NEGR1: variants seen among roughly 807,000 people sequenced by gnomAD.
NEGR1 encodes the protein IgLON family member 4.
NEGR1 carries 10 observed loss-of-function variants against 40.9 expected under a neutral mutation model. The ratio of observed to expected loss-of-function variants is 0.24; its 90% CI spans 0.15 to 0.42. The LOEUF (loss-of-function observed/expected upper bound fraction) is 0.42, where lower values mean the gene tolerates loss of function less well. NEGR1 is among the 10% of genes least tolerant of loss of function. The pLI is 1.00. For missense variants in NEGR1, 352 were observed against 438.9 expected, an observed-to-expected ratio of 0.80 and a Z score of 1.77; for synonymous variants, 185 against 166.8, an observed-to-expected ratio of 1.11 and a Z score of -0.84.
chr1:71,616,729 G>A (rs58151153), intron 4 of NEGR1, among the ~76,000 whole-genome samples: 8,065 of 152,096 alleles, frequency 0.053, 352 homozygotes, highest in African/African-American at 0.12. Context: ...CCTACACTGC[G>A]CACTTGTCTC....
At chr1:71,519,731 A>T (rs78241616) in intron 6 of NEGR1, among the ~76,000 whole-genome samples, 1 of 23,882 alleles carries the variant, frequency 4.2e-5, no homozygotes, top group African/African-American at 2.0e-4. Flanking sequence ...GAGTATAATA[A>T]AAAAAAAAAA....
intron 2 of NEGR1, among the ~76,000 whole-genome samples, chr1:71,856,087 A>G (rs918243434): frequency 2.6e-5 from 4 of 152,032 alleles, no homozygotes; most frequent in African/African-American, 9.7e-5. Flanking sequence ...ATGGGGCAGG[A>G]AAAAATGTAG....
At chr1:72,161,179 A>G (rs778767743) in intron 1 of NEGR1, among the ~76,000 whole-genome samples, 2 of 150,522 alleles carry the variant, frequency 1.3e-5, no homozygotes, top group African/African-American at 5.0e-5. Context: ...ACTGGTTTTA[A>G]AGAGCACAAG....
At chr1:71,996,182 T>C (rs907615946) in intron 1 of NEGR1, among the ~76,000 whole-genome samples, 1 of 152,128 alleles carries the variant, frequency 6.6e-6, no homozygotes, top group Non-Finnish European at 1.5e-5. Flanking sequence ...TATAAAAATA[T>C]GGATGTATGT....
At chr1:71,445,416 T>TAA (rs200160477) in intron 6 of NEGR1, among the ~76,000 whole-genome samples, 8 of 143,564 alleles carry the variant, frequency 5.6e-5, no homozygotes, top group South Asian at 2.2e-4. Context: ...CCCTAGAGAT[T>TAA]AAAAAAAAAA....
At chr1:71,461,989 C>T (rs1271467698) in intron 6 of NEGR1, among the ~76,000 whole-genome samples, 2 of 152,148 alleles carry the variant, frequency 1.3e-5, no homozygotes, top group African/African-American at 4.8e-5. Flanking sequence ...GATTCGAACC[C>T]TGCTCTGTTA....
At chr1:72,126,531 C>T (rs1339327195) in intron 1 of NEGR1, among the ~76,000 whole-genome samples, 1 of 152,090 alleles carries the variant, frequency 6.6e-6, no homozygotes, top group East Asian at 1.9e-4. Flanking sequence ...ATGACACAAA[C>T]GTAAAACCAG....
At chr1:72,260,736 C>T (rs926283179) in intron 1 of NEGR1, among the ~76,000 whole-genome samples, 1 of 152,016 alleles carries the variant, frequency 6.6e-6, no homozygotes, top group African/African-American at 2.4e-5. Context: ...AAATGAATCC[C>T]AGTTGAAATT....
intron 2 of NEGR1, 55 bp from the exon 3 acceptor site, chr1:71,776,352 G>T: frequency 8.3e-7 from 1 of 1,201,018 alleles, no homozygotes; most frequent in Non-Finnish European, 1.2e-6. Context: ...TTTTGTTGAA[G>T]TACGTATGAT....
chr1:71,679,409 C>A (rs1405083280), intron 4 of NEGR1, among the ~76,000 whole-genome samples: 6 of 152,152 alleles, frequency 3.9e-5, no homozygotes, highest in African/African-American at 1.4e-4. Flanking sequence ...CTCTTAAATT[C>A]ATTTTAATAA....
rs1557692880 is a variant in NEGR1 at position 71,898,980 on chromosome 1, GCA to G, written c.409+36097_409+36098del. Among the ~76,000 whole-genome samples, 36 of 10,872 alleles carry G rather than the reference GCA, an allele frequency of 3.3e-3. 1 individual carries two copies. The East Asian group carries it at 0.19, about 58-fold the overall frequency. 7.1% of individuals were successfully genotyped at this position (10,872 alleles called of 152,430 possible). A position where few individuals can be genotyped will look rare whatever the true frequency, so the allele number is the denominator to read the frequency against. On this transcript the variant is annotated intron_variant, in intron 2 of 6. Coordinates refer to ENST00000357731, the MANE Select transcript of NEGR1 (RefSeq NM_173808.3). ...TATATATAGCATATATATATATATAGCATATATATATATATATATATATATAT... is the reference window on the plus strand; with the variant it reads ...TATATATAGCATATATATATATATAGTATATATATATATATATATATATAT...
intron 3 of NEGR1, among the ~76,000 whole-genome samples, chr1:71,716,634 C>A (rs1654288079): frequency 6.6e-6 from 1 of 152,008 alleles, no homozygotes; most frequent in African/African-American, 2.4e-5. Flanking sequence ...ACCTACAGAG[C>A]CAGAAAAGCA....
At chr1:72,177,770 GTTTT>G (rs34239145) in intron 1 of NEGR1, among the ~76,000 whole-genome samples, 1 of 141,664 alleles carries the variant, frequency 7.1e-6, no homozygotes, top group Admixed American at 7.1e-5. Context: ...TTTTGTTTTT[GTTTT>G]TTTTTTTTTG....
chr1:71,666,435 C>T (rs17091640), intron 4 of NEGR1, among the ~76,000 whole-genome samples: 4,551 of 152,138 alleles, frequency 0.03, 186 homozygotes, highest in African/African-American at 0.094. Context: ...AAAGCATAGG[C>T]ACTCAACCAG....
chr1:71,469,918 G>C (rs2101354701), intron 6 of NEGR1, among the ~76,000 whole-genome samples: 1 of 152,166 alleles, frequency 6.6e-6, no homozygotes, highest in South Asian at 2.1e-4. Flanking sequence ...ACCCAACAAA[G>C]AGCAGATATG....
At chr1:71,455,719 G>C (rs1000549267) in intron 6 of NEGR1, among the ~76,000 whole-genome samples, 3 of 151,984 alleles carry the variant, frequency 2.0e-5, no homozygotes, top group Non-Finnish European at 4.4e-5. Flanking sequence ...GCAAGACTCT[G>C]TCTCAAAAAA....
At chr1:71,753,268 C>A (rs375000319) in intron 3 of NEGR1, among the ~76,000 whole-genome samples, 1 of 152,128 alleles carries the variant, frequency 6.6e-6, no homozygotes, top group South Asian at 2.1e-4. Flanking sequence ...GAGCTCAAAT[C>A]ATTATGTAAA....
intron 1 of NEGR1, among the ~76,000 whole-genome samples, chr1:72,111,595 A>T (rs1175942627): frequency 6.6e-6 from 1 of 151,880 alleles, no homozygotes; most frequent in Non-Finnish European, 1.5e-5. Flanking sequence ...ATGGATTCAC[A>T]AAGATATCAG....
At chr1:71,652,619 A>C (rs760472752) in intron 4 of NEGR1, among the ~76,000 whole-genome samples, 12 of 152,160 alleles carry the variant, frequency 7.9e-5, no homozygotes, top group Non-Finnish European at 1.0e-4. Flanking sequence ...CGCGTATAGC[A>C]CTTTGGGAGA....
Sources: gnomAD v4.1 joint callset for allele counts (sites outside exome capture counted in the v4.1 genomes callset) on GRCh38, gnomAD v4.1.1 for gene constraint, MANE v1.5 for transcripts, NCBI Gene and HGNC (gene_info 2026-07-23, HGNC 2026-07-21) for gene names.